The following TTC4 variants were observed in gnomAD, a reference collection of about 807,000 sequenced individuals.
TTC4 encodes hsp70/Hsp90 co-chaperone CNS1 homolog.
A neutral mutation model predicts 51.9 loss-of-function variants in TTC4; 36 were observed. The ratio of observed to expected loss-of-function variants is 0.69; its 90% CI spans 0.53 to 0.92. The LOEUF (loss-of-function observed/expected upper bound fraction) is 0.92, where lower values mean the gene tolerates loss of function less well. TTC4 is among the 40% of genes least tolerant of loss of function. The pLI is 0.00. For missense variants in TTC4, 399 were observed against 454.6 expected (o/e 0.88, Z 1.11); for synonymous variants, 144 against 164.2 (o/e 0.88, Z 0.94).
intron 9 of TTC4, among the ~76,000 whole-genome samples, chr1:54,740,231 TG>T (rs1199801250): frequency 6.6e-6 from 1 of 152,106 alleles, no homozygotes; most frequent in Non-Finnish European, 1.5e-5. Context: ...TGTTCAGTGG[TG>T]AGGCCTGAAG....
At chr1:54,735,350 C>A (rs544788224) in intron 8 of TTC4, among the ~76,000 whole-genome samples, 1 of 151,990 alleles carries the variant, frequency 6.6e-6, no homozygotes, top group African/African-American at 2.4e-5. Context: ...TCCTGAGTAG[C>A]TGGGATTACA....
At chr1:54,735,650 GGTC>G (rs1181568393) in intron 8 of TTC4, among the ~76,000 whole-genome samples, 1 of 152,078 alleles carries the variant, frequency 6.6e-6, no homozygotes, top group Non-Finnish European at 1.5e-5. Context: ...ATTGAGGTGG[GGTC>G]TGCCAGCCTT....
intron 8 of TTC4, among the ~76,000 whole-genome samples, chr1:54,735,759 C>T (rs566390802): frequency 1.3e-5 from 2 of 152,238 alleles, no homozygotes; most frequent in East Asian, 3.9e-4. Flanking sequence ...GTCAGATATT[C>T]AACATATTTA....
intron 8 of TTC4, among the ~76,000 whole-genome samples, chr1:54,736,220 GA>G (rs1557752924): frequency 1.6e-5 from 2 of 123,960 alleles, no homozygotes; most frequent in Non-Finnish European, 3.3e-5. Flanking sequence ...GAGAGAGAGA[GA>G]GAAGAGGAGA....
At chr1:54,725,984 C>G (rs1156632305) in intron 5 of TTC4, among the ~76,000 whole-genome samples, 2 of 152,096 alleles carry the variant, frequency 1.3e-5, no homozygotes, top group Non-Finnish European at 2.9e-5. Flanking sequence ...TGCCATCAAG[C>G]ATACCAACAA....
At chr1:54,721,077 C>T (rs1409819637) in intron 3 of TTC4, 86 bp from the exon 4 acceptor site, 1 of 1,263,770 alleles carries the variant, frequency 7.9e-7, no homozygotes, top group Non-Finnish European at 1.1e-6. Flanking sequence ...CAGGATTGTA[C>T]AAGAGTGTCT....
At chr1:54,729,241 C>T (rs1645836529) in intron 6 of TTC4, among the ~76,000 whole-genome samples, 1 of 152,198 alleles carries the variant, frequency 6.6e-6, no homozygotes, top group Non-Finnish European at 1.5e-5. Context: ...TTAAAACTTA[C>T]AGGTTGTTTA....
intron 6 of TTC4, among the ~76,000 whole-genome samples, chr1:54,730,356 C>A (rs1320789587): frequency 1.3e-5 from 2 of 149,236 alleles, no homozygotes; most frequent in Admixed American, 6.7e-5. Flanking sequence ...GAGTTACTCT[C>A]AACAGTACAC....
At chr1:54,726,618 T>G (rs1046655917) in intron 5 of TTC4, among the ~76,000 whole-genome samples, 1 of 152,158 alleles carries the variant, frequency 6.6e-6, no homozygotes, top group African/African-American at 2.4e-5. Flanking sequence ...TGAGTACATT[T>G]AACAAAAGTA....
At position 54,734,272 on chromosome 1, in the gene TTC4, A is replaced by C. The variant is rs141860508; in HGVS notation, c.978+562A>C. 8.6e-4 allele frequency among the ~76,000 whole-genome samples: 131 copies of C among 152,286 alleles called. 2 individuals are homozygous for C. In the East Asian group the frequency reaches 0.018, roughly 21 times the overall value. On this transcript the variant is annotated intron_variant, in intron 8 of 9. Coordinates refer to ENST00000371281, the MANE Select transcript of TTC4 (RefSeq NM_004623.5). The stretch of plus-strand genomic sequence containing the variant: ...TTTTTAGTAGAGATGGGGTTTCACC[A>C]TGTTGGCCAGGCTGGTCTCGAACTC...
rs567268643 is a variant in TTC4 at position 54,738,661 on chromosome 1, C to CTTTTTTTTTT, written c.1061+1002_1061+1011dup. On this transcript the variant is annotated intron_variant, in intron 9 of 9. Coordinates refer to ENST00000371281, the MANE Select transcript of TTC4 (RefSeq NM_004623.5). Reference sequence around the variant, plus strand: ...TGTACATGAAGGCTGCTAGGATGGCCTTTTTTTTTTTTTTGAGACGACATC... The same window carrying CTTTTTTTTTT: ...TGTACATGAAGGCTGCTAGGATGGCCTTTTTTTTTTTTTTTTTTTTTTTTGAGACGACATC... 4.8e-3 allele frequency among the ~76,000 whole-genome samples: 670 copies of CTTTTTTTTTT among 138,698 alleles called. 24 individuals carry two copies. The highest frequency in any genetic ancestry group is 0.016 in the African/African-American group (566 of 36,182). 91.0% of individuals were successfully genotyped at this position (138,698 alleles called of 152,430 possible). A position where few individuals can be genotyped will look rare whatever the true frequency, so the allele number is the denominator to read the frequency against.
chr1:54,729,860 A>T (rs1249361292), intron 6 of TTC4, among the ~76,000 whole-genome samples: 1 of 151,974 alleles, frequency 6.6e-6, no homozygotes. Flanking sequence ...AGCTGGGACT[A>T]CAGGTGCACA....
At chr1:54,730,372 C>T (rs1345148795) in intron 6 of TTC4, among the ~76,000 whole-genome samples, 1 of 151,546 alleles carries the variant, frequency 6.6e-6, no homozygotes, top group African/African-American at 2.4e-5. Flanking sequence ...TACACGAAGC[C>T]ATGCATGCTG....
At chr1:54,722,604 G>A in intron 4 of TTC4, 71 bp from the exon 5 acceptor site, 1 of 1,588,046 alleles carries the variant, frequency 6.3e-7, no homozygotes, top group Non-Finnish European at 8.6e-7. Flanking sequence ...GTGGGGGATG[G>A]GAGATCTTGC....
At chr1:54,721,839 T>C (rs996720884) in intron 4 of TTC4, among the ~76,000 whole-genome samples, 1 of 152,206 alleles carries the variant, frequency 6.6e-6, no homozygotes, top group Non-Finnish European at 1.5e-5. Context: ...AAGATCCATG[T>C]CCCTCAGCTG....
At chr1:54,738,390 C>T (rs1007125439) in intron 9 of TTC4, among the ~76,000 whole-genome samples, 3 of 152,162 alleles carry the variant, frequency 2.0e-5, no homozygotes, top group African/African-American at 7.2e-5. Flanking sequence ...CACTCAGGCA[C>T]CATCCGAGGA....
At chr1:54,716,271 G>C in intron 1 of TTC4, 1 of 542,742 alleles carries the variant, frequency 1.8e-6, no homozygotes, top group African/African-American at 1.9e-5. Context: ...TAACTTCTCA[G>C]AGTCCGTTTC....
At position 54,722,659 on chromosome 1, in the gene TTC4, G is replaced by A. The variant is rs377443540; in HGVS notation, c.470-16G>A. 49 of 1,612,282 alleles carry A rather than the reference G, an allele frequency of 3.0e-5. No individual in the cohort carries two copies. In the Middle Eastern group the frequency reaches 5.0e-4, roughly 16 times the overall value. ...TGCATGTTTTTCTTGAATCCTAAGG[G>A]TTCTGGGTTCTGCAGGTGCCTTATG... On this transcript the variant is annotated splice_polypyrimidine_tract_variant and intron_variant, in intron 4 of 9. Transcript: ENST00000371281.
intron 5 of TTC4, among the ~76,000 whole-genome samples, chr1:54,723,161 G>T (rs941884175): frequency 3.9e-5 from 6 of 152,170 alleles, no homozygotes; most frequent in African/African-American, 1.4e-4. Context: ...TGTTACAGTT[G>T]CCTACAGGAT....
Sources: allele counts gnomAD v4.1 joint callset (sites outside exome capture counted in the v4.1 genomes callset), GRCh38; gene constraint gnomAD v4.1.1; transcripts MANE v1.5; gene names NCBI Gene and HGNC (gene_info 2026-07-23, HGNC 2026-07-21).